MLLT3: variants seen among roughly 807,000 people sequenced by gnomAD.
MLLT3 encodes protein AF-9.
A neutral mutation model predicts 53.2 loss-of-function variants in MLLT3; 4 were observed. That is an observed-to-expected ratio of 0.08 (90% CI 0.04 to 0.17). The LOEUF (loss-of-function observed/expected upper bound fraction) is 0.17, where lower values mean the gene tolerates loss of function less well. Ranked by LOEUF, MLLT3 falls within the 10% of genes least tolerant of loss-of-function variation. The probability of loss-of-function intolerance (pLI) is 1.00; values close to 1 mark genes in which losing one functional copy is unlikely to be tolerated. For synonymous variants in MLLT3, 283 were observed against 230.6 expected (o/e 1.23, Z -2.06); for missense variants, 569 against 684.0 (o/e 0.83, Z 1.87).
chr9:20,542,152 T>C (rs1818651859), intron 2 of MLLT3, among the ~76,000 whole-genome samples: 2 of 152,280 alleles, frequency 1.3e-5, no homozygotes, highest in South Asian at 4.2e-4. Context: ...GGTGTTGTGT[T>C]GCCAGGCAAG....
At chr9:20,390,473 T>C (rs1822154178) in intron 5 of MLLT3, among the ~76,000 whole-genome samples, 1 of 152,350 alleles carries the variant, frequency 6.6e-6, no homozygotes, top group East Asian at 1.9e-4. Context: ...ATTTTGTACA[T>C]ACAAAAATTG....
At chr9:20,559,138 A>T (rs1457370707) in intron 2 of MLLT3, among the ~76,000 whole-genome samples, 2 of 152,212 alleles carry the variant, frequency 1.3e-5, no homozygotes, top group African/African-American at 4.8e-5. Context: ...CAGTTTTGCT[A>T]ATTTGTTTTT....
chr9:20,486,040 C>T (rs1297664816), intron 2 of MLLT3, among the ~76,000 whole-genome samples: 3 of 152,036 alleles, frequency 2.0e-5, no homozygotes, highest in African/African-American at 7.2e-5. Flanking sequence ...TTATTTTCAG[C>T]CATGAAGTAA....
intron 2 of MLLT3, among the ~76,000 whole-genome samples, chr9:20,481,695 A>G (rs1456106546): frequency 6.6e-6 from 1 of 152,158 alleles, no homozygotes; most frequent in East Asian, 1.9e-4. Flanking sequence ...CCTTCAATCA[A>G]TGACATATCA....
chr9:20,590,278 A>G (rs1382914994), intron 2 of MLLT3, among the ~76,000 whole-genome samples: 1 of 152,178 alleles, frequency 6.6e-6, no homozygotes, highest in Non-Finnish European at 1.5e-5. Context: ...GCATGAGTTC[A>G]TGAGTCCCCT....
At chr9:20,349,678 T>C (rs1026746880) in intron 10 of MLLT3, among the ~76,000 whole-genome samples, 1 of 152,180 alleles carries the variant, frequency 6.6e-6, no homozygotes, top group Non-Finnish European at 1.5e-5. Flanking sequence ...TTTTAAAGCA[T>C]ATAAACACTT....
chr9:20,484,483 A>G (rs6475437), intron 2 of MLLT3, among the ~76,000 whole-genome samples: 38,016 of 152,090 alleles, frequency 0.25, 5,156 homozygotes, highest in East Asian at 0.51. Flanking sequence ...TTATAGAACC[A>G]GAAATATTTA....
At position 20,527,862 on chromosome 9, in the gene MLLT3, T is replaced by C. The variant is rs542809739; in HGVS notation, c.194-71076A>G. On this transcript the variant is annotated intron_variant, in intron 2 of 10. Transcript: ENST00000380338. ...TACCTGTATTTCAGAATGACACCAT[T>C]AATTCTGTAACATCTTAAGGTGAAC... is the stretch of plus-strand genomic sequence containing the variant. Among the ~76,000 whole-genome samples, 3 of 152,332 alleles carry C rather than the reference T, an allele frequency of 2.0e-5. No individual in the cohort carries two copies. The South Asian group carries it at 6.2e-4, about 32-fold the overall frequency.
chr9:20,353,892 A>G (rs1172056776), intron 9 of MLLT3, among the ~76,000 whole-genome samples: 3 of 152,200 alleles, frequency 2.0e-5, no homozygotes, highest in Admixed American at 6.5e-5. Flanking sequence ...CAATATCTCT[A>G]CAAAAGGTAG....
chr9:20,610,406 C>A (rs1820672505), intron 2 of MLLT3, among the ~76,000 whole-genome samples: 1 of 152,132 alleles, frequency 6.6e-6, no homozygotes, highest in African/African-American at 2.4e-5. Context: ...AAATGTGATT[C>A]TCAGCAGACA....
At chr9:20,469,079 C>T (rs903120742) in intron 2 of MLLT3, among the ~76,000 whole-genome samples, 5 of 152,018 alleles carry the variant, frequency 3.3e-5, no homozygotes, top group South Asian at 4.2e-4. Context: ...ATATTGCCCC[C>T]GTGCAATAAA....
chr9:20,604,084 G>A (rs923448477), intron 2 of MLLT3, among the ~76,000 whole-genome samples: 1 of 152,070 alleles, frequency 6.6e-6, no homozygotes, highest in African/African-American at 2.4e-5. Flanking sequence ...TCACGTAGCA[G>A]TGGGTTTCAA....
At chr9:20,512,298 C>T (rs1400241250) in intron 2 of MLLT3, among the ~76,000 whole-genome samples, 1 of 152,170 alleles carries the variant, frequency 6.6e-6, no homozygotes, top group African/African-American at 2.4e-5. Flanking sequence ...TTTAATACAG[C>T]AACAGCATGC....
intron 2 of MLLT3, among the ~76,000 whole-genome samples, chr9:20,580,515 T>C (rs1207337086): frequency 6.6e-6 from 1 of 152,180 alleles, no homozygotes; most frequent in Non-Finnish European, 1.5e-5. Flanking sequence ...TTAGACTCTC[T>C]TGGACAGTTT....
intron 2 of MLLT3, among the ~76,000 whole-genome samples, chr9:20,506,990 C>A (rs1295096636): frequency 6.6e-6 from 1 of 152,180 alleles, no homozygotes; most frequent in Non-Finnish European, 1.5e-5. Flanking sequence ...AAAATTAATT[C>A]TCTTTGTTCC....
At chr9:20,361,971 A>G (rs1211611419) in intron 7 of MLLT3, among the ~76,000 whole-genome samples, 1 of 152,262 alleles carries the variant, frequency 6.6e-6, no homozygotes, top group Non-Finnish European at 1.5e-5. Context: ...ACATCCTTTT[A>G]GCAAAAACTG....
chr9:20,357,981 G>GCACACACACACACA (rs3222132), intron 8 of MLLT3, among the ~76,000 whole-genome samples: 9 of 139,448 alleles, frequency 6.5e-5, no homozygotes, highest in African/African-American at 2.2e-4. Flanking sequence ...TCCCTCCTGC[G>GCACACACACACACA]CACACACACA....
chr9:20,360,188 G>A (rs1587152125), intron 8 of MLLT3, among the ~76,000 whole-genome samples: 3 of 152,230 alleles, frequency 2.0e-5, no homozygotes, highest in East Asian at 3.9e-4. Context: ...AACTGAGGCC[G>A]AACACCTATA....
At chr9:20,484,000 C>T (rs531773372) in intron 2 of MLLT3, among the ~76,000 whole-genome samples, 6 of 151,934 alleles carry the variant, frequency 3.9e-5, no homozygotes, top group African/African-American at 1.2e-4. Context: ...AGTGAGCCAC[C>T]GTGCCCGGCC....
Sources: gnomAD v4.1 joint callset for allele counts (sites outside exome capture counted in the v4.1 genomes callset) on GRCh38, gnomAD v4.1.1 for gene constraint, MANE v1.5 for transcripts, NCBI Gene and HGNC (gene_info 2026-07-23, HGNC 2026-07-21) for gene names.